The following HIBCH variants were observed in gnomAD, a reference collection of about 807,000 sequenced individuals.
HIBCH encodes the protein 3-hydroxyisobutyryl-CoA hydrolase, mitochondrial.
A neutral mutation model predicts 58.2 loss-of-function variants in HIBCH; 50 were observed. The ratio of observed to expected loss-of-function variants is 0.86; its 90% CI spans 0.68 to 1.09. The LOEUF is 1.09. Among genes scored for constraint, HIBCH ranks in the 50% least tolerant of loss-of-function variants. The pLI is 0.00. For missense variants in HIBCH, 450 were observed against 449.7 expected, an observed-to-expected ratio of 1.00 and a Z score of -0.01; for synonymous variants, 151 against 146.9, an observed-to-expected ratio of 1.03 and a Z score of -0.20.
intron 1 of HIBCH, among the ~76,000 whole-genome samples, chr2:190,191,211 C>T (rs958286474): frequency 1.3e-5 from 2 of 152,082 alleles, no homozygotes; most frequent in African/African-American, 2.4e-5. Context: ...GATCTCAGCT[C>T]ACTGCAACCT....
chr2:190,259,911 T>C (rs60028737), intron 7 of HIBCH, among the ~76,000 whole-genome samples: 264 of 152,310 alleles, frequency 1.7e-3, no homozygotes, highest in African/African-American at 5.5e-3. Context: ...GCAGGCATCA[T>C]TGTCTTGTTC....
chr2:190,240,120 A>G (rs1686408138), intron 11 of HIBCH, among the ~76,000 whole-genome samples: 1 of 152,180 alleles, frequency 6.6e-6, no homozygotes, highest in Non-Finnish European at 1.5e-5. Flanking sequence ...CTGTGAATCC[A>G]TCTAGTCCTG....
intron 11 of HIBCH, among the ~76,000 whole-genome samples, chr2:190,226,284 A>AG (rs1685890240): frequency 1.5e-5 from 2 of 133,308 alleles, no homozygotes; most frequent in South Asian, 2.3e-4. Context: ...GAAAGAAATA[A>AG]AGGTATTCAA....
At chr2:190,274,105 C>G (rs1448429089) in intron 6 of HIBCH, among the ~76,000 whole-genome samples, 1 of 152,208 alleles carries the variant, frequency 6.6e-6, no homozygotes, top group African/African-American at 2.4e-5. Flanking sequence ...CCCGGCCTCT[C>G]AGGTTCCATA....
At position 190,244,893 on chromosome 2, in the gene HIBCH, T is replaced by C. The variant is rs778683855; in HGVS notation, c.885A>G (p.Gln295=). The change falls in exon 11 of 14, where the codon CAA becomes CAG. Residue 295 remains glutamine (Q), a synonymous_variant. Transcript: ENST00000359678. Reference sequence around the variant, plus strand: ...GAAAGGATTCCAATATTACCTTCAATTGCTCTAGGGCAAAAGATGAACCAT... The same window carrying C: ...GAAAGGATTCCAATATTACCTTCAACTGCTCTAGGGCAAAAGATGAACCAT... The part of the protein sequence containing the change: ...QQDGSSFALE[Q]LKVINKMSPT... 314 of 1,604,516 alleles carry C rather than the reference T, an allele frequency of 2.0e-4. 1 individual carries two copies. The highest frequency in any genetic ancestry group is 2.5e-4 in the Non-Finnish European group (290 of 1,171,378).
chr2:190,290,381 A>G, intron 5 of HIBCH, 24 bp downstream of exon 5: 1 of 1,487,734 alleles, frequency 6.7e-7, no homozygotes, highest in Non-Finnish European at 9.4e-7. Flanking sequence ...TCCATTTCCA[A>G]AGCTCTGAGC....
rs185530194 is a variant in HIBCH at position 190,211,091 on chromosome 2, C to G, written c.1011+1865G>C. ...GATAATGATTTAAACTGTTTTCTGC[C>G]TTTTCAACCTCAACCCCTGGAGCAC... On this transcript the variant is annotated intron_variant, in intron 12 of 13. Transcript: ENST00000359678. This position sits in a 1 kb window ranked among gnomAD's most constrained non-coding sequence, Gnocchi z 5.0. 1.3e-5 allele frequency among the ~76,000 whole-genome samples: 2 copies of G among 152,232 alleles called. No individual in the cohort carries two copies. The highest frequency in any genetic ancestry group is 2.4e-5 in the African/African-American group (1 of 41,534).
At chr2:190,252,062 C>T (rs894458503) in intron 8 of HIBCH, 100 bp downstream of exon 8, 1 of 1,099,000 alleles carries the variant, frequency 9.1e-7, no homozygotes, top group South Asian at 1.3e-5. Context: ...ACCACGATTT[C>T]ACCAGAAGTC....
downstream of HIBCH, chr2:190,199,894 T>C: frequency 6.2e-7 from 1 of 1,613,962 alleles, no homozygotes; most frequent in African/African-American, 1.3e-5. Context: ...AACTTTCCCA[T>C]TTCCTACCAT....
At chr2:190,238,303 AC>A (rs900633941) in intron 11 of HIBCH, among the ~76,000 whole-genome samples, 3 of 152,100 alleles carry the variant, frequency 2.0e-5, no homozygotes, top group African/African-American at 4.8e-5. Flanking sequence ...GTAAAAGTGT[AC>A]CTATTTCTCT....
At chr2:190,218,558 T>C (rs1000996846) in intron 11 of HIBCH, among the ~76,000 whole-genome samples, 2 of 152,124 alleles carry the variant, frequency 1.3e-5, no homozygotes, top group African/African-American at 4.8e-5. Flanking sequence ...ACAATGACCC[T>C]TAAGACACTA....
chr2:190,301,136 C>G (rs946705611), intron 2 of HIBCH, among the ~76,000 whole-genome samples: 4 of 152,190 alleles, frequency 2.6e-5, no homozygotes, highest in Non-Finnish European at 4.4e-5. Context: ...TGGAACCCAA[C>G]CAGGCTAGGA....
intron 11 of HIBCH, among the ~76,000 whole-genome samples, chr2:190,241,090 T>C (rs1032412576): frequency 1.3e-4 from 20 of 152,308 alleles, no homozygotes; most frequent in African/African-American, 4.3e-4. Context: ...TCTCTCACTA[T>C]TATTGTGTGG....
At position 190,278,483 on chromosome 2, in the gene HIBCH, C is replaced by T. The variant is rs527925153; in HGVS notation, c.438+9103G>A. 6.6e-5 allele frequency among the ~76,000 whole-genome samples: 10 copies of T among 152,268 alleles called. No homozygotes were observed. The South Asian group carries it at 1.2e-3, about 19-fold the overall frequency. On this transcript the variant is annotated intron_variant, in intron 6 of 13. Transcript: ENST00000359678. ...CCTCCCAAAGTACTAGGATTACAGG[C>T]GTGAGCCGCCGTGCCCAGCCTAGAA...
Position 190,216,721 on chromosome 2 carries a change from C to A in HIBCH, c.892-3646G>T, listed in dbSNP as rs1042141438. Among the ~76,000 whole-genome samples, 27 of 152,204 alleles carry A rather than the reference C, an allele frequency of 1.8e-4. No homozygotes were observed. The highest frequency in any genetic ancestry group is 2.4e-4 in the Non-Finnish European group (16 of 68,028). On this transcript the variant is annotated intron_variant, in intron 11 of 13. Transcript: ENST00000359678. The surrounding 1 kb of genome is among the most constrained non-coding windows in gnomAD (Gnocchi z 4.2). ...ACCCAATAGAGGCAAAAGAGGATGC[C>A]AGTTTGCAATCCCTGAAGTAGAGAG...
In HIBCH at chr2:190,210,342, T is replaced by C. The variant is rs1690488601; in HGVS notation, c.1012-1429A>G. On this transcript the variant is annotated intron_variant, in intron 12 of 13. Coordinates refer to ENST00000359678, the MANE Select transcript of HIBCH (RefSeq NM_014362.4). This position sits in a 1 kb window ranked among gnomAD's most constrained non-coding sequence, Gnocchi z 5.5. ...CCATTACACCCTCCTCCCCGAAACA[T>C]TCCTCACTTTCTTTTGTGACACTAC... Among the ~76,000 whole-genome samples the C allele has an allele frequency of 6.6e-6, 1 of 152,080 alleles. No individual in the cohort carries two copies. Among genetic ancestry groups the C allele is most frequent in the Non-Finnish European group, 1.5e-5 (1 of 68,006 alleles).
Position 190,262,341 on chromosome 2 carries a change from C to CTAA in HIBCH, c.439-1110_439-1108dup, listed in dbSNP as rs754356496. On this transcript the variant is annotated intron_variant, in intron 6 of 13. Transcript: ENST00000359678. ...CAATTTTCAGGAACATAAGCAATGC[C>CTAA]TAAGGTCCCTGAACTTGTCTAATAA... 1.1e-4 allele frequency among the ~76,000 whole-genome samples: 17 copies of CTAA among 152,250 alleles called. 1 individual carries two copies. Among genetic ancestry groups the CTAA allele is most frequent in the Non-Finnish European group, 1.2e-4 (8 of 67,998 alleles).
At chr2:190,261,326 A>G (rs908430525) in intron 6 of HIBCH, 92 bp from the exon 7 acceptor site, 3 of 917,586 alleles carry the variant, frequency 3.3e-6, no homozygotes, top group African/African-American at 1.7e-5. Flanking sequence ...TTACAAAGCA[A>G]GTAAATTATC....
In HIBCH at chr2:190,216,571, A is replaced by G. The variant is rs1457885001; in HGVS notation, c.892-3496T>C. Among the ~76,000 whole-genome samples the G allele has an allele frequency of 6.6e-6, 1 of 152,118 alleles. No homozygotes were observed. Among genetic ancestry groups the G allele is most frequent in the Non-Finnish European group, 1.5e-5 (1 of 68,024 alleles). ...GACTGTGGCTAACTGAAGAGGGCAC[A>G]CCCTGTTAAAGGGGCCACAGCTGCT... On this transcript the variant is annotated intron_variant, in intron 11 of 13. Coordinates refer to ENST00000359678, the MANE Select transcript of HIBCH (RefSeq NM_014362.4). This position sits in a 1 kb window ranked among gnomAD's most constrained non-coding sequence, Gnocchi z 4.2.
Sources: allele counts gnomAD v4.1 joint callset (sites outside exome capture counted in the v4.1 genomes callset), GRCh38; gene constraint gnomAD v4.1.1; non-coding constraint Gnocchi (gnomAD v3.1); transcripts MANE v1.5; gene names NCBI Gene and HGNC (gene_info 2026-07-23, HGNC 2026-07-21).